ZNF513: variants seen among roughly 807,000 people sequenced by gnomAD.
ZNF513 encodes the protein zinc finger protein 513.
In ZNF513, 16 loss-of-function variants were observed where a neutral mutation model predicts 39.7. The ratio of observed to expected loss-of-function variants is 0.40; its 90% CI spans 0.27 to 0.61. The LOEUF is 0.61. Ranked by LOEUF, ZNF513 falls within the 20% of genes least tolerant of loss-of-function variation. The pLI is 0.39. For synonymous variants in ZNF513, 348 were observed against 296.5 expected (o/e 1.17, Z -1.79); for missense variants, 699 against 743.6 (o/e 0.94, Z 0.70).
rs768764881 is a variant in ZNF513 at position 27,380,557 on chromosome 2, G to A, written c.-31C>T. 6.5e-7 allele frequency: 1 copy of A among 1,540,470 alleles called. No individual in the cohort carries two copies. Among genetic ancestry groups the A allele is most frequent in the Admixed American group, 1.9e-5 (1 of 52,054 alleles). On this transcript the variant is annotated 5_prime_UTR_variant, in exon 1 of 4. Coordinates refer to ENST00000323703, the MANE Select transcript of ZNF513 (RefSeq NM_144631.6). ...CCGGCTCCAGCCCGACGCGCCTCCG[G>A]CCTGCGGCCGCCCGACCCCGCCCCT...
At position 27,378,347 on chromosome 2, in the gene ZNF513, C is replaced by T. The variant is rs1390228527; in HGVS notation, c.824G>A (p.Ser275Asn). 4 of 1,602,334 alleles carry T rather than the reference C, an allele frequency of 2.5e-6. No individual in the cohort carries two copies. The South Asian group carries it at 3.3e-5, about 13-fold the overall frequency. The change falls in exon 4 of 4, where the codon AGC becomes AAC. Residue 275 changes from serine (S) to asparagine (N), a missense_variant. Around this residue, in one of 3 missense-constraint regions of ZNF513, gnomAD observed 530 missense variants for 499.3 expected, o/e 1.06. Coordinates refer to ENST00000323703, the MANE Select transcript of ZNF513 (RefSeq NM_144631.6). The surrounding 1 kb of genome is among the most constrained non-coding windows in gnomAD (Gnocchi z 8.0). The part of the protein sequence containing the change: ...PEDALLLPDL[S>N]LHVPPGGASF... Reference sequence around the variant, plus strand: ...GGCACCACCTGGTGGCACATGGAGGCTCAAATCTGGAAGGAGCAGAGCATC... The same window carrying T: ...GGCACCACCTGGTGGCACATGGAGGTTCAAATCTGGAAGGAGCAGAGCATC...
In ZNF513 at chr2:27,378,372, C is replaced by T; in HGVS notation, c.800-1G>A. On this transcript the variant is annotated splice_acceptor_variant, in intron 3 of 3. Coordinates refer to ENST00000323703, the MANE Select transcript of ZNF513 (RefSeq NM_144631.6). LOFTEE classifies it high-confidence loss of function. The surrounding 1 kb of genome is among the most constrained non-coding windows in gnomAD (Gnocchi z 8.0). ...CTCAAATCTGGAAGGAGCAGAGCAT[C>T]TGTGGGGACAAAGACCTGGGCTATG... 1.9e-6 allele frequency: 3 copies of T among 1,605,048 alleles called. No homozygotes were observed. Among genetic ancestry groups the T allele is most frequent in the Non-Finnish European group, 2.5e-6 (3 of 1,179,958 alleles).
chr2:27,379,974 T>C, intron 2 of ZNF513, 119 bp downstream of exon 2: 1 of 1,362,978 alleles, frequency 7.3e-7, no homozygotes, highest in Non-Finnish European at 1.0e-6. Context: ...CTAGCTCAAA[T>C]GTAAACTAAA....
In ZNF513 at chr2:27,377,944, G is replaced by A. The variant is rs1213897387; in HGVS notation, c.1227C>T (p.Val409=). ...HLDNLKRHQR[V]HTGEKPYKCP... is the part of the protein sequence containing the mutation. ...ACTTGTAGGGCTTCTCTCCTGTATGGACGCGCTGGTGCCGTTTCAGGTTAT... is the reference window on the plus strand; with the variant it reads ...ACTTGTAGGGCTTCTCTCCTGTATGAACGCGCTGGTGCCGTTTCAGGTTAT... The change falls in exon 4 of 4, where the codon GTC becomes GTT. Residue 409 remains valine (V), a synonymous_variant. Transcript: ENST00000323703. This position sits in a 1 kb window ranked among gnomAD's most constrained non-coding sequence, Gnocchi z 4.4. 3 of 1,613,840 alleles carry A rather than the reference G, an allele frequency of 1.9e-6. No homozygotes were observed. The highest frequency in any genetic ancestry group is 2.5e-6 in the Non-Finnish European group (3 of 1,179,910).
chr2:27,378,296 A>G lies in ZNF513; in HGVS notation c.875T>C (p.Leu292Pro). The part of the protein sequence containing the change: ...GASFLPDCGQ[L>P]RGEGEGLCGT... ...GCAGAGGCCCTCCCCTTCACCCCGC[A>G]GCTGCCCACAGTCTGGCAGGAAACT... is the stretch of plus-strand genomic sequence containing the variant. Residue 292 changes from leucine (L) to proline (P), a missense_variant, in exon 4 of 4, where the codon CTG becomes CCG. By Grantham distance (98) the Leu-to-Pro change is moderately conservative (BLOSUM62 -3). Transcript: ENST00000323703. The surrounding 1 kb of genome is among the most constrained non-coding windows in gnomAD (Gnocchi z 8.0). 6.2e-7 allele frequency: 1 copy of G among 1,600,884 alleles called. No homozygotes were observed. Among genetic ancestry groups the G allele is most frequent in the African/African-American group, 1.3e-5 (1 of 75,066 alleles).
At position 27,378,713 on chromosome 2, in the gene ZNF513, A is replaced by T. The variant is rs368360099; in HGVS notation, c.553T>A (p.Tyr185Asn). Reference protein sequence around the residue: ...EKPFRCGRCPYASAQLVNLTR... With the variant: ...EKPFRCGRCPNASAQLVNLTR... ...AGGTTGACGAGCTGGGCTGAGGCGT[A>T]GGGGCAGCGGCCACAGCGGAACGGC... The change falls in exon 3 of 4, where the codon TAC becomes AAC. Residue 185 changes from tyrosine to asparagine, a missense_variant. By Grantham distance (143) the Tyr-to-Asn change is moderately radical. Around this residue, in one of 3 missense-constraint regions of ZNF513, gnomAD observed 530 missense variants for 499.3 expected, o/e 1.06. Coordinates refer to ENST00000323703, the MANE Select transcript of ZNF513 (RefSeq NM_144631.6). This position sits in a 1 kb window ranked among gnomAD's most constrained non-coding sequence, Gnocchi z 8.0. The T allele has an allele frequency of 2.4e-5, 38 of 1,613,828 alleles. No individual in the cohort carries two copies. The highest frequency in any genetic ancestry group is 9.3e-5 in the African/African-American group (7 of 74,918).
At position 27,377,928 on chromosome 2, in the gene ZNF513, G is replaced by T. The variant is rs1683411284; in HGVS notation, c.1243C>A (p.Pro415Thr). ...TAAGGGCAGAGGGGGCACTTGTAGGGCTTCTCTCCTGTATGGACGCGCTGG... is the reference window on the plus strand; with the variant it reads ...TAAGGGCAGAGGGGGCACTTGTAGGTCTTCTCTCCTGTATGGACGCGCTGG... ...RHQRVHTGEK[P>T]YKCPLCPYAC... The change falls in exon 4 of 4, where the codon CCC (proline) becomes ACC (threonine). Residue 415 changes from proline to threonine, a missense_variant. Physicochemically the swap from Pro to Thr is conservative, Grantham distance 38. Coordinates refer to ENST00000323703, the MANE Select transcript of ZNF513 (RefSeq NM_144631.6). The surrounding 1 kb of genome is among the most constrained non-coding windows in gnomAD (Gnocchi z 4.4). 2 of 1,613,888 alleles carry T rather than the reference G, an allele frequency of 1.2e-6. No individual in the cohort carries two copies. The highest frequency in any genetic ancestry group is 2.7e-5 in the African/African-American group (2 of 74,884).
At chr2:27,380,371 T>C (rs1370110655) in intron 1 of ZNF513, 101 bp downstream of exon 1, 16 of 1,590,482 alleles carry the variant, frequency 1.0e-5, no homozygotes, top group African/African-American at 1.4e-5. Context: ...GGAGTCTGGA[T>C]CGCCCACTTC....
chr2:27,378,531 A>T lies in ZNF513; in HGVS notation c.735T>A (p.Thr245=). ...PCPTCGFRCC[T]PRPARPPSPT... ...GACTGGGAGGCCGGGCTGGTCGTGG[A>T]GTACAGCAGCGGAAGCCACAGGTCG... The change falls in exon 3 of 4, where the codon ACT becomes ACA. Residue 245 remains threonine (T), a synonymous_variant. Transcript: ENST00000323703. This position sits in a 1 kb window ranked among gnomAD's most constrained non-coding sequence, Gnocchi z 8.0. 2 of 1,614,070 alleles carry T rather than the reference A, an allele frequency of 1.2e-6. No homozygotes were observed. The highest frequency in any genetic ancestry group is 1.7e-6 in the Non-Finnish European group (2 of 1,180,016).
At chr2:27,380,383 TCCCTCAGGAGTC>T in intron 1 of ZNF513, 77 bp downstream of exon 1, 1 of 1,582,998 alleles carries the variant, frequency 6.3e-7, no homozygotes, top group Non-Finnish European at 8.6e-7. Flanking sequence ...GCCCACTTCA[TCCCTCAGGAGTC>T]CCCCTCCACC....
chr2:27,378,705 T>C lies in ZNF513; in HGVS notation c.561A>G (p.Ser187=). The part of the protein sequence containing the change: ...PFRCGRCPYA[S]AQLVNLTRHT... ...GTCGTGTCAGGTTGACGAGCTGGGCTGAGGCGTAGGGGCAGCGGCCACAGC... is the reference window on the plus strand; with the variant it reads ...GTCGTGTCAGGTTGACGAGCTGGGCCGAGGCGTAGGGGCAGCGGCCACAGC... Residue 187 remains serine, a synonymous_variant, in exon 3 of 4, where the codon TCA becomes TCG. Coordinates refer to ENST00000323703, the MANE Select transcript of ZNF513 (RefSeq NM_144631.6). The surrounding 1 kb of genome is among the most constrained non-coding windows in gnomAD (Gnocchi z 8.0). 1.9e-6 allele frequency: 3 copies of C among 1,613,872 alleles called. No homozygotes were observed. Among genetic ancestry groups the C allele is most frequent in the East Asian group, 2.2e-5 (1 of 44,874 alleles).
Position 27,380,466 on chromosome 2 carries a change from C to G in ZNF513, c.55+6G>C. 3 of 1,595,960 alleles carry G rather than the reference C, an allele frequency of 1.9e-6. No individual in the cohort carries two copies. Among genetic ancestry groups the G allele is most frequent in the South Asian group, 2.2e-5 (2 of 89,326 alleles). ...TCCTCTCCCCTCAAGGCCCCTGACC[C>G]CTGACCTTTGACCCCCTCGCATTTC... On this transcript the variant is annotated splice_donor_region_variant and intron_variant, in intron 1 of 3. Coordinates refer to ENST00000323703, the MANE Select transcript of ZNF513 (RefSeq NM_144631.6).
In ZNF513 at chr2:27,380,097, C is replaced by G. The variant is rs530742919; in HGVS notation, c.207G>C (p.Ser69=). The G allele has an allele frequency of 6.2e-7, 1 of 1,614,098 alleles. No individual in the cohort carries two copies. Among genetic ancestry groups the G allele is most frequent in the South Asian group, 1.1e-5 (1 of 91,084 alleles). The change falls in exon 2 of 4, where the codon TCG becomes TCC. Residue 69 remains serine (S), a synonymous_variant. Transcript: ENST00000323703. ...SDQLMGFERD[S]EGDSLGARPG... is the part of the protein sequence containing the mutation. ...AACCAAGACCCGAAAACCCACCTTC[C>G]GAGTCTCTCTCGAAGCCCATGAGCT...
rs773365630 is a variant in ZNF513 at position 27,378,630 on chromosome 2, G to A, written c.636C>T (p.Pro212=). The A allele has an allele frequency of 3.1e-6, 5 of 1,613,870 alleles. No homozygotes were observed. In the South Asian group the frequency reaches 5.5e-5, roughly 18 times the overall value. ...GGTTGCCCAGGCTGCTGCAGGCAAA[G>A]GGGCAGTGGGGACAGCGGTAGGGCT... ...GEKPYRCPHC[P]FACSSLGNLR... The change falls in exon 3 of 4, where the codon CCC becomes CCT. Residue 212 remains proline (P), a synonymous_variant. Coordinates refer to ENST00000323703, the MANE Select transcript of ZNF513 (RefSeq NM_144631.6). The surrounding 1 kb of genome is among the most constrained non-coding windows in gnomAD (Gnocchi z 8.0).
At chr2:27,380,309 T>C in intron 1 of ZNF513, 61 bp from the exon 2 acceptor site, 4 of 1,612,942 alleles carry the variant, frequency 2.5e-6, no homozygotes, top group Non-Finnish European at 2.5e-6. Flanking sequence ...GGACCACACT[T>C]CCCGTACTCG....
chr2:27,380,611 C>T lies in ZNF513; in HGVS notation c.-85G>A, dbSNP rs1415361955. 3.3e-6 allele frequency: 5 copies of T among 1,518,442 alleles called. No individual in the cohort carries two copies. Among genetic ancestry groups the T allele is most frequent in the East Asian group, 5.1e-5 (2 of 38,992 alleles). The allele number at this position is 1,518,442 out of a possible 1,614,324, so 94.1% of individuals were successfully genotyped here. ...ATCTCGGCCCGCCTGTCTGCCCTTC[C>T]TCTCAGGGCCCGCGGGCCGCCCCCA... On this transcript the variant is annotated 5_prime_UTR_variant, in exon 1 of 4. Transcript: ENST00000323703.
chr2:27,379,155 C>G, intron 2 of ZNF513, 101 bp from the exon 3 acceptor site: 3 of 1,188,638 alleles, frequency 2.5e-6, no homozygotes, highest in Non-Finnish European at 3.7e-6. Flanking sequence ...TGGCTCCACC[C>G]TTAGCTTTGA....
In ZNF513 at chr2:27,378,758, G is replaced by C; in HGVS notation, c.508C>G (p.Gln170Glu). ...AACGGCTTCTCTCCGCTGTGTGTCT[G>C]CATGTGCCGCTTCAGGTGGCTCGAG... ...HYSSHLKRHMQTHSGEKPFRC... is the reference protein window; with the variant it reads ...HYSSHLKRHMETHSGEKPFRC... The change falls in exon 3 of 4, where the codon CAG (glutamine) becomes GAG (glutamate). Residue 170 changes from glutamine (Q) to glutamate (E), a missense_variant. Gln to Glu is a conservative substitution (Grantham distance 29, BLOSUM62 2). Transcript: ENST00000323703. The surrounding 1 kb of genome is among the most constrained non-coding windows in gnomAD (Gnocchi z 8.0). The C allele has an allele frequency of 6.2e-7, 1 of 1,614,052 alleles. No homozygotes were observed.
Position 27,378,217 on chromosome 2 carries a change from G to A in ZNF513, c.954C>T (p.Gly318=), listed in dbSNP as rs372684261. ...CACCCTCCTCCAGCTCTTGTCCACAGCCCCGGCAGGTCCAAGGGAATAGCA... is the reference window on the plus strand; with the variant it reads ...CACCCTCCTCCAGCTCTTGTCCACAACCCCGGCAGGTCCAAGGGAATAGCA... The part of the protein sequence containing the change: ...PELLFPWTCR[G]CGQELEEGEG... The change falls in exon 4 of 4, where the codon GGC becomes GGT. Residue 318 remains glycine (G), a synonymous_variant. Coordinates refer to ENST00000323703, the MANE Select transcript of ZNF513 (RefSeq NM_144631.6). This position sits in a 1 kb window ranked among gnomAD's most constrained non-coding sequence, Gnocchi z 8.0. 21 of 1,606,218 alleles carry A rather than the reference G, an allele frequency of 1.3e-5. No individual in the cohort carries two copies. The highest frequency in any genetic ancestry group is 5.9e-6 in the Non-Finnish European group (7 of 1,179,928).
Sources: gnomAD v4.1 joint callset for allele counts on GRCh38, gnomAD v4.1.1 for gene constraint, gnomAD v4.1.1 regional missense constraint, Gnocchi (gnomAD v3.1) non-coding constraint, MANE v1.5 for transcripts, NCBI Gene and HGNC (gene_info 2026-07-23, HGNC 2026-07-21) for gene names.